Variants in FRMD4A observed in about 807,000 individuals in gnomAD.
FRMD4A encodes the protein FERM domain-containing protein 4A.
FRMD4A carries 29 observed loss-of-function variants against 129.1 expected under a neutral mutation model. That is an observed-to-expected ratio of 0.22 (90% CI 0.17 to 0.31). The LOEUF is 0.31. Among genes scored for constraint, FRMD4A ranks in the 10% least tolerant of loss-of-function variants. The pLI is 1.00. For missense variants in FRMD4A, 1,272 were observed against 1,375.8 expected (o/e 0.92, Z 1.19); for synonymous variants, 634 against 571.6 (o/e 1.11, Z -1.56).
chr10:14,069,949 C>T (rs183095094), intron 2 of FRMD4A, among the ~76,000 whole-genome samples: 2 of 152,162 alleles, frequency 1.3e-5, no homozygotes, highest in East Asian at 3.9e-4. Context: ...TATTAAGCTG[C>T]CTCTGGGGCC....
At chr10:13,990,283 C>G (rs569568655) in intron 2 of FRMD4A, among the ~76,000 whole-genome samples, 91 of 152,316 alleles carry the variant, frequency 6.0e-4, no homozygotes, top group African/African-American at 2.1e-3. Context: ...AGTAACTTCC[C>G]TCTCTGCCTG....
Position 13,957,547 on chromosome 10 carries a change from G to T in FRMD4A, c.46-98635C>A, listed in dbSNP as rs1565111764. On this transcript the variant is annotated intron_variant, in intron 2 of 24. Transcript: ENST00000357447. ...TGGGATTATAGACGTGAGCCACCAC[G>T]CTCAGCCATACCCCTCCTTTTTGAT... Among the ~76,000 whole-genome samples, 2 of 152,074 alleles carry T rather than the reference G, an allele frequency of 1.3e-5. 1 individual carries two copies. Among genetic ancestry groups the T allele is most frequent in the South Asian group, 4.2e-4 (2 of 4,810 alleles).
At chr10:14,241,277 G>C (rs1186590193) in intron 2 of FRMD4A, among the ~76,000 whole-genome samples, 1 of 152,152 alleles carries the variant, frequency 6.6e-6, no homozygotes, top group Non-Finnish European at 1.5e-5. Flanking sequence ...TCCTCATTCA[G>C]AGAAAATGGA....
intron 5 of FRMD4A, among the ~76,000 whole-genome samples, chr10:13,785,707 G>T (rs2092837607): frequency 6.6e-6 from 1 of 152,022 alleles, no homozygotes. Context: ...ATGCCATGTT[G>T]GTGTGCTGCA....
chr10:13,687,164 G>A (rs1357972806), intron 15 of FRMD4A, among the ~76,000 whole-genome samples: 3 of 152,136 alleles, frequency 2.0e-5, no homozygotes, highest in Non-Finnish European at 4.4e-5. Context: ...ATGTGGTGGT[G>A]GGCAACTGTA....
chr10:14,319,386 CAT>C (rs763286527), intron 2 of FRMD4A, among the ~76,000 whole-genome samples: 49 of 151,986 alleles, frequency 3.2e-4, no homozygotes, highest in East Asian at 2.9e-3. Context: ...CACACACACA[CAT>C]GATAAATACA....
rs1253506918 is a variant in FRMD4A at position 14,140,708 on chromosome 10, C to G, written c.45+189350G>C. On this transcript the variant is annotated intron_variant, in intron 2 of 24. Coordinates refer to ENST00000357447, the MANE Select transcript of FRMD4A (RefSeq NM_018027.5). Reference sequence around the variant, plus strand: ...TTCTCTTTATGGATCCATCTTCCCTCTATATGCTTGTAATTCAAAATCTAT... The same window carrying G: ...TTCTCTTTATGGATCCATCTTCCCTGTATATGCTTGTAATTCAAAATCTAT... Among the ~76,000 whole-genome samples, 3 of 152,282 alleles carry G rather than the reference C, an allele frequency of 2.0e-5. No individual in the cohort carries two copies. The East Asian group carries it at 5.8e-4, about 29-fold the overall frequency.
chr10:13,793,530 T>TA (rs1350159779), intron 5 of FRMD4A, among the ~76,000 whole-genome samples: 1 of 152,082 alleles, frequency 6.6e-6, no homozygotes, highest in African/African-American at 2.4e-5. Context: ...AGACATGTGG[T>TA]ATGTAGATGT....
intron 2 of FRMD4A, among the ~76,000 whole-genome samples, chr10:13,869,921 A>G (rs1323618359): frequency 6.6e-6 from 1 of 152,232 alleles, no homozygotes; most frequent in African/African-American, 2.4e-5. Context: ...GGAAACACGG[A>G]TATCTTTGGT....
intron 5 of FRMD4A, among the ~76,000 whole-genome samples, chr10:13,794,009 C>A (rs1271104185): frequency 6.6e-6 from 1 of 152,008 alleles, no homozygotes; most frequent in Non-Finnish European, 1.5e-5. Context: ...GGTGATGAGC[C>A]CCACCCCACC....
chr10:14,235,466 T>A (rs1439174112), intron 2 of FRMD4A, among the ~76,000 whole-genome samples: 2 of 152,144 alleles, frequency 1.3e-5, no homozygotes, highest in Admixed American at 1.3e-4. Flanking sequence ...CATTTTTTCA[T>A]ACACACTCCC....
chr10:14,132,334 G>T (rs929629736), intron 2 of FRMD4A, among the ~76,000 whole-genome samples: 1 of 152,056 alleles, frequency 6.6e-6, no homozygotes, highest in Non-Finnish European at 1.5e-5. Context: ...ACATCCAATC[G>T]TGGGAGCTCC....
At chr10:13,680,536 C>T (rs919441131) in intron 15 of FRMD4A, among the ~76,000 whole-genome samples, 1 of 151,944 alleles carries the variant, frequency 6.6e-6, no homozygotes, top group African/African-American at 2.4e-5. Context: ...ACCAGCCTGG[C>T]CAACATGGCG....
chr10:14,296,875 A>G lies in FRMD4A; in HGVS notation c.45+33183T>C, dbSNP rs565468711. ...TCCCCCCAGTTCTCATCCTGTCCTA[A>G]CTTAGTGAAAGGAAATATGTGGCCT... is the stretch of plus-strand genomic sequence containing the variant. On this transcript the variant is annotated intron_variant, in intron 2 of 24. Transcript: ENST00000357447. Among the ~76,000 whole-genome samples the G allele has an allele frequency of 2.6e-5, 4 of 152,242 alleles. No individual in the cohort carries two copies. In the South Asian group the frequency reaches 8.3e-4, roughly 32 times the overall value.
Position 13,884,134 on chromosome 10 carries a change from T to TCACACACACACC in FRMD4A, c.46-25223_46-25222insGGTGTGTGTGTG, listed in dbSNP as rs1221469854. On this transcript the variant is annotated intron_variant, in intron 2 of 24. Coordinates refer to ENST00000357447, the MANE Select transcript of FRMD4A (RefSeq NM_018027.5). ...CACACACACACACTCACACACACGC[T>TCACACACACACC]CACACACACTCTCACACACTCTCAC... Among the ~76,000 whole-genome samples, 19 of 35,756 alleles carry TCACACACACACC rather than the reference T, an allele frequency of 5.3e-4. 1 individual carries two copies. The highest frequency in any genetic ancestry group is 0.014 in the Middle Eastern group (1 of 70). The allele number at this position is 35,756 out of a possible 152,430, so 23.5% of individuals were successfully genotyped here.
rs748808546 is a variant in FRMD4A at position 14,249,170 on chromosome 10, G to A, written c.45+80888C>T. Among the ~76,000 whole-genome samples, 76 of 152,116 alleles carry A rather than the reference G, an allele frequency of 5.0e-4. 1 individual carries two copies. The highest frequency in any genetic ancestry group is 6.8e-3 in the Middle Eastern group (2 of 294). On this transcript the variant is annotated intron_variant, in intron 2 of 24. Transcript: ENST00000357447. ...GTTCGAGACCAGCCTGGCCAGCATC[G>A]TGAAATGTCATCTCTACTAAAAAAT...
chr10:14,136,446 C>T (rs1182531061), intron 2 of FRMD4A, among the ~76,000 whole-genome samples: 4 of 152,104 alleles, frequency 2.6e-5, no homozygotes, highest in African/African-American at 9.7e-5. Context: ...CTCTGCTCAC[C>T]TGAGACAAAT....
intron 2 of FRMD4A, among the ~76,000 whole-genome samples, chr10:14,189,497 C>G (rs1180935750): frequency 1.3e-5 from 2 of 152,140 alleles, no homozygotes; most frequent in African/African-American, 4.8e-5. Flanking sequence ...TTGCTAGAAC[C>G]TGGGAGGCGG....
chr10:14,022,811 G>A (rs1832819708), intron 2 of FRMD4A, among the ~76,000 whole-genome samples: 1 of 152,208 alleles, frequency 6.6e-6, no homozygotes, highest in Admixed American at 6.5e-5. Context: ...TCTTGGAGCT[G>A]GGAAAGGAGA....
Sources: allele counts gnomAD v4.1 joint callset (sites outside exome capture counted in the v4.1 genomes callset), GRCh38; gene constraint gnomAD v4.1.1; transcripts MANE v1.5; gene names NCBI Gene and HGNC (gene_info 2026-07-23, HGNC 2026-07-21).